Variants in DIAPH2 observed in about 807,000 individuals in gnomAD.
The protein encoded by DIAPH2 is diaphanous related formin 2, also known as protein diaphanous homolog 2.
DIAPH2 carries 35 observed loss-of-function variants against 92.7 expected under a neutral mutation model. The observed-to-expected ratio is 0.38, with a 90% CI of 0.29 to 0.50. DIAPH2 has a LOEUF of 0.50. Among genes scored for constraint, DIAPH2 ranks in the 20% least tolerant of loss-of-function variants. The pLI is 0.94. For synonymous variants in DIAPH2, 301 were observed against 280.4 expected (o/e 1.07, Z -0.73); for missense variants, 701 against 819.5 (o/e 0.86, Z 1.77).
chrX:97,503,400 G>A (rs2070811715), intron 26 of DIAPH2, among the ~76,000 whole-genome samples: 2 of 111,793 alleles, frequency 1.8e-5, no homozygotes, highest in Admixed American at 9.6e-5. Flanking sequence ...AAAAGTATAG[G>A]TGTGGTATGG....
chrX:97,590,391 G>T (rs1363355650), intron 26 of DIAPH2, among the ~76,000 whole-genome samples: 5 of 111,823 alleles, frequency 4.5e-5, no homozygotes, highest in African/African-American at 6.5e-5. Flanking sequence ...TAGATACATG[G>T]TCTTAGAGTG....
intron 23 of DIAPH2, among the ~76,000 whole-genome samples, chrX:97,309,021 A>AAAAAC (rs1251651946): frequency 4.6e-5 from 5 of 109,467 alleles, no homozygotes; most frequent in Admixed American, 3.9e-4. Context: ...TCCGTCTCAA[A>AAAAAC]AAAACAAAAC....
chrX:97,279,277 T>C (rs780841207), intron 23 of DIAPH2, among the ~76,000 whole-genome samples: 1 of 109,974 alleles, frequency 9.1e-6, no homozygotes, highest in East Asian at 2.8e-4. Flanking sequence ...AAAAGAAACA[T>C]AGATTGAAAG....
intron 17 of DIAPH2, among the ~76,000 whole-genome samples, chrX:97,000,879 C>T (rs920995464): frequency 2.7e-5 from 3 of 111,215 alleles, no homozygotes; most frequent in Non-Finnish European, 5.7e-5. Flanking sequence ...TCCACACTGT[C>T]ACACTGTCAG....
At chrX:97,299,826 A>G (rs764255904) in intron 23 of DIAPH2, among the ~76,000 whole-genome samples, 1 of 112,405 alleles carries the variant, frequency 8.9e-6, no homozygotes, top group South Asian at 3.7e-4. Flanking sequence ...TCTGCATAAT[A>G]AATGCCATTT....
intron 23 of DIAPH2, among the ~76,000 whole-genome samples, chrX:97,291,350 A>T (rs2068588969): frequency 9.0e-6 from 1 of 110,907 alleles, no homozygotes; most frequent in East Asian, 2.9e-4. Context: ...GTGAGCCGAG[A>T]TCGCACCACT....
intron 22 of DIAPH2, among the ~76,000 whole-genome samples, chrX:97,160,094 C>T (rs1246342771): frequency 7.6e-4 from 17 of 22,306 alleles, no homozygotes; most frequent in African/African-American, 1.7e-3. Context: ...TCATAAAAGA[C>T]GGGGGCGGGG....
At chrX:97,129,417 G>A (rs1250109339) in intron 21 of DIAPH2, among the ~76,000 whole-genome samples, 2 of 109,944 alleles carry the variant, frequency 1.8e-5, no homozygotes, top group Non-Finnish European at 3.8e-5. Context: ...CACCCACCTC[G>A]GCCTCCCAGA....
At chrX:97,022,174 C>A (rs2066302770) in intron 17 of DIAPH2, among the ~76,000 whole-genome samples, 1 of 112,014 alleles carries the variant, frequency 8.9e-6, no homozygotes, top group South Asian at 3.7e-4. Flanking sequence ...CTTCTCTGAA[C>A]CTTTTTCCTT....
intron 16 of DIAPH2, among the ~76,000 whole-genome samples, chrX:96,962,486 CACACACACACATAT>C (rs1310747789): frequency 4.4e-5 from 1 of 22,759 alleles, no homozygotes; most frequent in African/African-American, 1.4e-4. Context: ...TATACACACA[CACACACACACATAT>C]ATATATATAT....
rs756981430 is a variant in DIAPH2, at chrX:97,314,923, G to C, written c.2845-33193G>C. Among the ~76,000 whole-genome samples the C allele has an allele frequency of 7.1e-5, 8 of 111,920 alleles. No individual in the cohort carries two copies. In the South Asian group the frequency reaches 3.0e-3, roughly 42 times the overall value. ...TGTTTTAGTTGAACAATTTTTAAAA[G>C]AAGAATTGATCCACATGTTTAACAT... is the stretch of plus-strand genomic sequence containing the variant. On this transcript the variant is annotated intron_variant, in intron 23 of 26. Transcript: ENST00000324765.
At chrX:97,349,619 T>A (rs2069193224) in intron 24 of DIAPH2, among the ~76,000 whole-genome samples, 1 of 111,300 alleles carries the variant, frequency 9.0e-6, no homozygotes, top group Non-Finnish European at 1.9e-5. Context: ...CCCGAACAGT[T>A]AAACAAGCAG....
At chrX:97,270,578 A>C (rs1469652422) in intron 23 of DIAPH2, among the ~76,000 whole-genome samples, 1 of 111,863 alleles carries the variant, frequency 8.9e-6, no homozygotes, top group Admixed American at 9.5e-5. Context: ...GGAATCCAGC[A>C]CTGGAATCCC....
At chrX:96,756,973 A>G (rs373119699) in intron 3 of DIAPH2, among the ~76,000 whole-genome samples, 3 of 87,195 alleles carry the variant, frequency 3.4e-5, no homozygotes, top group East Asian at 7.2e-4. Flanking sequence ...GCTGGAGTGC[A>G]GTGGTGTGAT....
At chrX:96,957,766 ATTTC>A (rs1156818383) in intron 15 of DIAPH2, 58 bp from the exon 16 acceptor site, 2 of 803,920 alleles carry the variant, frequency 2.5e-6, no homozygotes. Flanking sequence ...ATTGATATAT[ATTTC>A]TTCAGTTTTT....
intron 26 of DIAPH2, among the ~76,000 whole-genome samples, chrX:97,517,133 G>A (rs984082877): frequency 9.0e-6 from 1 of 111,449 alleles, no homozygotes; most frequent in African/African-American, 3.3e-5. Flanking sequence ...TTTTTGCATT[G>A]CTTCAACACT....
At chrX:96,688,399 A>T (rs2063782516) in intron 1 of DIAPH2, among the ~76,000 whole-genome samples, 1 of 110,977 alleles carries the variant, frequency 9.0e-6, no homozygotes, top group Non-Finnish European at 1.9e-5. Context: ...CAGTGGTGTG[A>T]TCTCGGCCCA....
chrX:97,298,234 G>GTTTT (rs753905645), intron 23 of DIAPH2, among the ~76,000 whole-genome samples: 2 of 88,567 alleles, frequency 2.3e-5, no homozygotes, highest in Non-Finnish European at 4.4e-5. Context: ...AGTTTTTCAG[G>GTTTT]TTTTTTTTTT....
chrX:97,278,510 A>G (rs920992952), intron 23 of DIAPH2, among the ~76,000 whole-genome samples: 2 of 111,172 alleles, frequency 1.8e-5, no homozygotes, highest in Non-Finnish European at 3.8e-5. Context: ...AACCCCTGGC[A>G]ACCACTGACC....
Sources: allele counts gnomAD v4.1 joint callset (sites outside exome capture counted in the v4.1 genomes callset), GRCh38; gene constraint gnomAD v4.1.1; transcripts MANE v1.5; gene names NCBI Gene and HGNC (gene_info 2026-07-23, HGNC 2026-07-21).